Variants in PRH1 observed in about 807,000 individuals in gnomAD.
The protein encoded by PRH1 is proline rich protein HaeIII subfamily 1.
Under a neutral mutation model 7.9 loss-of-function variants are expected in PRH1, and 7 were observed. That is an observed-to-expected ratio of 0.89 (90% CI 0.50 to 1.67). PRH1 has a LOEUF of 1.67. Among genes scored for constraint, PRH1 ranks in the 40% most tolerant of loss-of-function variants. The probability of loss-of-function intolerance (pLI) is 0.00; values close to 1 mark genes in which losing one functional copy is unlikely to be tolerated. For missense variants in PRH1, 109 were observed against 223.6 expected (o/e 0.49, Z 3.27); for synonymous variants, 45 against 80.8 (o/e 0.56, Z 2.38).
chr12:11,158,129 T>C (rs1947308667), intron 1 of PRH1, among the ~76,000 whole-genome samples: 1 of 152,160 alleles, frequency 6.6e-6, no homozygotes, highest in South Asian at 2.1e-4. Context: ...CAAACAACAG[T>C]GCTGGGTTTT....
At chr12:11,083,488 T>C (rs1944563093) in intron 1 of PRH1, among the ~76,000 whole-genome samples, 2 of 152,236 alleles carry the variant, frequency 1.3e-5, no homozygotes, top group South Asian at 4.1e-4. Context: ...ATTCATTTAG[T>C]GTATGTTTCT....
chr12:10,897,701 G>A (rs1949667676), intron 2 of PRH1, among the ~76,000 whole-genome samples: 1 of 152,130 alleles, frequency 6.6e-6, no homozygotes, highest in Non-Finnish European at 1.5e-5. Flanking sequence ...GGAGCAGGAG[G>A]AAGAGAAAGA....
At chr12:11,164,641 G>A (rs1947518626) in intron 1 of PRH1, among the ~76,000 whole-genome samples, 1 of 151,894 alleles carries the variant, frequency 6.6e-6, no homozygotes, top group Admixed American at 6.5e-5. Context: ...TTCCCCCAAA[G>A]CCTTCTAATG....
chr12:10,970,890 A>G (rs1938782592), intron 2 of PRH1, among the ~76,000 whole-genome samples: 1 of 152,202 alleles, frequency 6.6e-6, no homozygotes, highest in African/African-American at 2.4e-5. Flanking sequence ...TGTGTTTATA[A>G]CTACTATAAT....
chr12:11,063,059 C>G (rs1001843224), intron 1 of PRH1, among the ~76,000 whole-genome samples: 2 of 152,070 alleles, frequency 1.3e-5, no homozygotes, highest in African/African-American at 4.8e-5. Context: ...TATTTTCCCA[C>G]TCAGGGCTTT....
At chr12:10,900,873 G>A (rs1043786264) in intron 2 of PRH1, among the ~76,000 whole-genome samples, 1 of 152,082 alleles carries the variant, frequency 6.6e-6, no homozygotes, top group African/African-American at 2.4e-5. Context: ...TGGAGCACCT[G>A]CTAGCAAGGT....
intron 2 of PRH1, among the ~76,000 whole-genome samples, chr12:10,889,838 T>C (rs1949545448): frequency 6.6e-6 from 1 of 152,142 alleles, no homozygotes; most frequent in African/African-American, 2.4e-5. Flanking sequence ...ATTTTTCATT[T>C]CTAAAATATC....
At chr12:10,928,248 A>T (rs760093166) in intron 2 of PRH1, among the ~76,000 whole-genome samples, 15 of 152,224 alleles carry the variant, frequency 9.9e-5, no homozygotes, top group Non-Finnish European at 1.9e-4. Flanking sequence ...TGGTGACATA[A>T]ATACTGAGTA....
chr12:11,021,973 C>T, intron 1 of PRH1: 1 of 1,614,060 alleles, frequency 6.2e-7, no homozygotes, highest in East Asian at 2.2e-5. Context: ...ACAAAGAGAA[C>T]AGATTAACAG....
At chr12:10,994,162 C>T (rs1256631733) in intron 1 of PRH1, among the ~76,000 whole-genome samples, 1 of 152,158 alleles carries the variant, frequency 6.6e-6, no homozygotes, top group Non-Finnish European at 1.5e-5. Context: ...TCTCCTATTC[C>T]CCTGGTCAGC....
chr12:10,963,701 T>TATTA (rs912228107), intron 2 of PRH1, among the ~76,000 whole-genome samples: 35 of 152,238 alleles, frequency 2.3e-4, no homozygotes, highest in African/African-American at 8.2e-4. Flanking sequence ...TCTTCATCCC[T>TATTA]ATTACAGATA....
chr12:10,881,187 A>C (rs1856319557), intron 3 of PRH1, 131 bp from the exon 4 acceptor site: 1 of 153,674 alleles, frequency 6.5e-6, no homozygotes, highest in African/African-American at 2.4e-5. Flanking sequence ...TCCCTTCTAC[A>C]GCCCCCTTCT....
intron 1 of PRH1, among the ~76,000 whole-genome samples, chr12:11,145,551 T>TTAA (rs1946836793): frequency 6.6e-6 from 1 of 152,150 alleles, no homozygotes; most frequent in African/African-American, 2.4e-5. Flanking sequence ...AATATTAGAA[T>TTAA]TTCTCAAATT....
At chr12:10,973,406 C>A (rs868182276) in intron 2 of PRH1, 1 of 344,396 alleles carries the variant, frequency 2.9e-6, no homozygotes, top group East Asian at 4.4e-5. Context: ...AGTCTGATGG[C>A]CAGGACAGAA....
At chr12:11,067,307 T>C (rs1943866844) in intron 1 of PRH1, among the ~76,000 whole-genome samples, 1 of 152,214 alleles carries the variant, frequency 6.6e-6, no homozygotes. Context: ...GCTAACAATA[T>C]GAATACAAAT....
chr12:11,086,956 T>C lies in PRH1; in HGVS notation n.124-39768A>G, dbSNP rs112036977. On this transcript the variant is annotated intron_variant and non_coding_transcript_variant, in intron 1 of 4. Coordinates refer to the PRH1 transcript ENST00000541977. Reference sequence around the variant, plus strand: ...ACAAAGGGCGATGAAAATACAACTGTCTTTGGTTAATTTTGTTAGGAGTTA... The same window carrying C: ...ACAAAGGGCGATGAAAATACAACTGCCTTTGGTTAATTTTGTTAGGAGTTA... 9.1e-5 allele frequency among the ~76,000 whole-genome samples: 6 copies of C among 66,278 alleles called. 2 individuals carry two copies. The highest frequency in any genetic ancestry group is 2.4e-4 in the African/African-American group (6 of 25,074). 43.5% of individuals were successfully genotyped at this position (66,278 alleles called of 152,430 possible). A position where few individuals can be genotyped will look rare whatever the true frequency, so the allele number is the denominator to read the frequency against.
chr12:11,014,026 C>T (rs1941179429), intron 1 of PRH1, among the ~76,000 whole-genome samples: 1 of 152,224 alleles, frequency 6.6e-6, no homozygotes. Flanking sequence ...CAGCATCCAC[C>T]CTGGTACTGT....
chr12:10,954,673 T>C (rs1377295513), intron 2 of PRH1, among the ~76,000 whole-genome samples: 1 of 152,130 alleles, frequency 6.6e-6, no homozygotes, highest in Non-Finnish European at 1.5e-5. Context: ...GACAGGATTT[T>C]GCCATGTTGC....
chr12:11,113,690 G>A (rs1945654035), intron 1 of PRH1, among the ~76,000 whole-genome samples: 1 of 152,162 alleles, frequency 6.6e-6, no homozygotes, highest in Non-Finnish European at 1.5e-5. Context: ...AAAAGCAATT[G>A]CAACAAAAGA....
Sources: allele counts gnomAD v4.1 joint callset (sites outside exome capture counted in the v4.1 genomes callset), GRCh38; gene constraint gnomAD v4.1.1; transcripts MANE v1.5; gene names NCBI Gene and HGNC (gene_info 2026-07-23, HGNC 2026-07-21).